Variants in COPE observed in about 807,000 individuals in gnomAD.
COPE encodes the protein coat protein complex I subunit epsilon, also known as coatomer subunit epsilon.
A neutral mutation model predicts 42.1 loss-of-function variants in COPE; 19 were observed. The ratio of observed to expected loss-of-function variants is 0.45; its 90% confidence interval spans 0.31 to 0.66. The LOEUF is 0.66. COPE is among the 30% of genes least tolerant of loss of function. The pLI, the probability that COPE is intolerant of heterozygous loss-of-function variation, is 0.05. For synonymous variants in COPE, 195 were observed against 181.3 expected (o/e 1.08, Z -0.60); for missense variants, 402 against 416.1 (o/e 0.97, Z 0.30).
intron 1 of COPE, among the ~76,000 whole-genome samples, chr19:18,914,010 C>T (rs888935004): frequency 6.6e-6 from 1 of 152,150 alleles, no homozygotes; most frequent in Non-Finnish European, 1.5e-5. Flanking sequence ...CCCAGGCCGC[C>T]GCAGACCTGG....
In COPE at chr19:18,899,922, A is replaced by G. The variant is rs1245498769; in HGVS notation, c.830T>C (p.Leu277Pro). 1 of 1,613,540 alleles carries G rather than the reference A, an allele frequency of 6.2e-7. No homozygotes were observed. Among genetic ancestry groups the G allele is most frequent in the Non-Finnish European group, 8.5e-7 (1 of 1,179,804 alleles). Reference protein sequence around the residue: ...PEVTNRYLSQLKDAHRSHPFI... With the variant: ...PEVTNRYLSQPKDAHRSHPFI... ...GGGATGGGACCTGTGGGCATCCTTC[A>G]GCTGGGACAGGTATCGGTTTGTCAC... is the stretch of plus-strand genomic sequence containing the variant. Residue 277 changes from leucine to proline, a missense_variant, in exon 9 of 10, where the codon CTG becomes CCG. Physicochemically the swap from Leu to Pro is moderately conservative, Grantham distance 98. Transcript: ENST00000262812.
At position 18,911,044 on chromosome 19, in the gene COPE, T is replaced by A; in HGVS notation, c.217A>T (p.Ile73Phe). 6.2e-7 allele frequency: 1 copy of A among 1,613,864 alleles called. No individual in the cohort carries two copies. The highest frequency in any genetic ancestry group is 2.2e-5 in the East Asian group (1 of 44,854). ...AGCTCAGGGGCCGAGGAGGGCTTGA[T>A]CTCATCCAGGACCACACCGAACTTC... ...QRKFGVVLDE[I>F]KPSSAPELQA... is the part of the protein sequence containing the mutation. Residue 73 changes from isoleucine to phenylalanine, a missense_variant, in exon 3 of 10, where the codon ATC (isoleucine) becomes TTC (phenylalanine). Ile to Phe is a conservative substitution (Grantham distance 21, BLOSUM62 0). Transcript: ENST00000262812.
chr19:18,906,594 A>C, intron 4 of COPE: 1 of 197,432 alleles, frequency 5.1e-6, no homozygotes, highest in Non-Finnish European at 1.0e-5. Context: ...AGGGCCCTGG[A>C]GGAGGGCCGG....
At chr19:18,913,508 A>G (rs2056829328) in intron 1 of COPE, among the ~76,000 whole-genome samples, 1 of 152,210 alleles carries the variant, frequency 6.6e-6, no homozygotes, top group Non-Finnish European at 1.5e-5. Flanking sequence ...CAGCCCAGCC[A>G]TTGCACAGAA....
chr19:18,908,518 T>C (rs903471152), intron 3 of COPE, among the ~76,000 whole-genome samples: 8 of 74,824 alleles, frequency 1.1e-4, no homozygotes, highest in Non-Finnish European at 1.7e-4. Context: ...AAACCCCATC[T>C]CTCTTTTTTT....
chr19:18,913,100 C>A, intron 1 of COPE, 54 bp from the exon 2 acceptor site: 1 of 1,517,766 alleles, frequency 6.6e-7, no homozygotes. Flanking sequence ...GCGCAGCCCA[C>A]ACAGGGTGAG....
At chr19:18,910,808 G>A in intron 3 of COPE, 163 bp downstream of exon 3, 1 of 641,616 alleles carries the variant, frequency 1.6e-6, no homozygotes, top group Non-Finnish European at 2.8e-6. Context: ...CTGTGCAGGT[G>A]AGGGAAACTG....
At chr19:18,905,514 C>G in intron 5 of COPE, 62 bp downstream of exon 5, 1 of 1,498,442 alleles carries the variant, frequency 6.7e-7, no homozygotes, top group South Asian at 1.2e-5. Context: ...GGCTGTGACG[C>G]TCTGGGCTGT....
Position 18,911,034 on chromosome 19 carries a change from G to A in COPE, c.227C>T (p.Ser76Phe). The A allele has an allele frequency of 6.2e-7, 1 of 1,613,994 alleles. No individual in the cohort carries two copies. Among genetic ancestry groups the A allele is most frequent in the Non-Finnish European group, 8.5e-7 (1 of 1,180,004 alleles). Residue 76 changes from serine (S) to phenylalanine (F), a missense_variant, in exon 3 of 10, where the codon TCC becomes TTC. By Grantham distance (155) the Ser-to-Phe change is radical (BLOSUM62 -2). Transcript: ENST00000262812. ...CACGGCCTGGAGCTCAGGGGCCGAG[G>A]AGGGCTTGATCTCATCCAGGACCAC... Reference protein sequence around the residue: ...FGVVLDEIKPSSAPELQAVRM... With the variant: ...FGVVLDEIKPFSAPELQAVRM...
chr19:18,905,494 A>G, intron 5 of COPE, 82 bp downstream of exon 5: 2 of 1,370,398 alleles, frequency 1.5e-6, no homozygotes, highest in Non-Finnish European at 2.0e-6. Flanking sequence ...ACAGCACCAC[A>G]GACGCTCTGG....
intron 3 of COPE, among the ~76,000 whole-genome samples, chr19:18,909,047 C>T (rs2056786417): frequency 6.6e-6 from 1 of 152,204 alleles, no homozygotes; most frequent in African/African-American, 2.4e-5. Context: ...TGCTCCTTGT[C>T]CCCGGGGCGT....
chr19:18,918,376 G>C (rs1293492551), intron 1 of COPE, among the ~76,000 whole-genome samples: 1 of 152,024 alleles, frequency 6.6e-6, no homozygotes, highest in Non-Finnish European at 1.5e-5. Context: ...ACCCAACTCC[G>C]CCAGAAGGCG....
At chr19:18,915,180 T>C (rs538366366) in intron 1 of COPE, among the ~76,000 whole-genome samples, 1 of 152,156 alleles carries the variant, frequency 6.6e-6, no homozygotes, top group Admixed American at 6.5e-5. Context: ...TGCACTGCAC[T>C]CTGGCCTGGG....
chr19:18,900,237 A>C (rs1025886256), intron 8 of COPE, 144 bp downstream of exon 8: 5 of 696,414 alleles, frequency 7.2e-6, no homozygotes, highest in Non-Finnish European at 1.2e-5. Flanking sequence ...GTTGGGGGGC[A>C]CAGGGTTTGT....
chr19:18,916,160 G>C (rs1471310326), intron 1 of COPE, among the ~76,000 whole-genome samples: 1 of 152,046 alleles, frequency 6.6e-6, no homozygotes, highest in Admixed American at 6.6e-5. Context: ...ACTCCAGCCT[G>C]GGCAACAGAG....
At chr19:18,902,755 GGAAGGAAGGAAGGGAAA>G (rs2056715406) in intron 7 of COPE, among the ~76,000 whole-genome samples, 2 of 50,536 alleles carry the variant, frequency 4.0e-5, no homozygotes, top group African/African-American at 1.5e-4. Flanking sequence ...AGGAAAGGAA[GGAAGGAAGGAAGGGAAA>G]GAAGGAAGGA....
At chr19:18,914,919 G>T (rs2056841397) in intron 1 of COPE, among the ~76,000 whole-genome samples, 1 of 151,828 alleles carries the variant, frequency 6.6e-6, no homozygotes, top group Admixed American at 6.6e-5. Flanking sequence ...GTAGAGATGG[G>T]GTTTCACCAT....
intron 4 of COPE, 141 bp from the exon 5 acceptor site, chr19:18,905,770 G>A (rs1417398402): frequency 1.4e-5 from 11 of 764,988 alleles, no homozygotes; most frequent in Non-Finnish European, 1.8e-5. Context: ...AGCAGAGGAG[G>A]ACACCCTCAC....
intron 3 of COPE, among the ~76,000 whole-genome samples, chr19:18,910,169 C>A (rs928710043): frequency 5.1e-4 from 78 of 152,188 alleles, no homozygotes; most frequent in African/African-American, 1.5e-3. Context: ...TTCCTGGGTC[C>A]CCACAGCCCA....
Sources: gnomAD v4.1 joint callset for allele counts (sites outside exome capture counted in the v4.1 genomes callset) on GRCh38, gnomAD v4.1.1 for gene constraint, MANE v1.5 for transcripts, NCBI Gene and HGNC (gene_info 2026-07-23, HGNC 2026-07-21) for gene names.